The following CAMSAP3 variants were observed in gnomAD, a reference collection of about 807,000 sequenced individuals.
The protein encoded by CAMSAP3 is calmodulin regulated spectrin associated protein family member 3.
CAMSAP3 carries 34 observed loss-of-function variants against 112.5 expected under a neutral mutation model. The ratio of observed to expected loss-of-function variants is 0.30; its 90% confidence interval spans 0.23 to 0.40. CAMSAP3 has a LOEUF of 0.40. Ranked by LOEUF, CAMSAP3 falls within the 10% of genes least tolerant of loss-of-function variation. The pLI is 1.00. For missense variants in CAMSAP3, 1,602 were observed against 1,770.3 expected, an observed-to-expected ratio of 0.90 and a Z score of 1.71; for synonymous variants, 868 against 799.8, an observed-to-expected ratio of 1.09 and a Z score of -1.44.
intron 1 of CAMSAP3, 79 bp from the exon 2 acceptor site, chr19:7,605,147 G>GGTTGTGTGTGTGTGTGT: frequency 4.8e-6 from 3 of 623,266 alleles, no homozygotes; most frequent in Non-Finnish European, 7.7e-6. Flanking sequence ...CGGGCCATGT[G>GGTTGTGTGTGTGTGTGT]GTGTGTGTGT....
Position 7,611,121 on chromosome 19 carries a change from C to G in CAMSAP3, c.1076C>G (p.Pro359Arg). Residue 359 changes from proline (P) to arginine (R), a missense_variant, in exon 9 of 17, where the codon CCG (proline) becomes CGG (arginine). By Grantham distance (103) the Pro-to-Arg change is moderately radical (BLOSUM62 -2). Transcript: ENST00000160298. The surrounding 1 kb of genome is among the most constrained non-coding windows in gnomAD (Gnocchi z 6.9). ...TCTCCTGTCTTCACCTTCCGCCACC[C>G]GCTTCTGTCATCTGGTGGCCCCCAG... The part of the protein sequence containing the change: ...SSSPVFTFRH[P>R]LLSSGGPQSP... 1 of 1,613,768 alleles carries G rather than the reference C, an allele frequency of 6.2e-7. No homozygotes were observed. Among genetic ancestry groups the G allele is most frequent in the Non-Finnish European group, 8.5e-7 (1 of 1,179,966 alleles).
chr19:7,611,023 T>A lies in CAMSAP3; in HGVS notation c.1050-72T>A, dbSNP rs1017002625. 2.0e-5 allele frequency: 32 copies of A among 1,590,702 alleles called. No individual in the cohort carries two copies. Among genetic ancestry groups the A allele is most frequent in the Middle Eastern group, 1.7e-4 (1 of 6,008 alleles). ...GCACTGGGACGCAGCTGGGTGATGC[T>A]GTTGTCTCCCCCCGGGGAGAGGCGG... On this transcript the variant is annotated intron_variant, in intron 8 of 16. Coordinates refer to ENST00000160298, the MANE Select transcript of CAMSAP3 (RefSeq NM_020902.2). The surrounding 1 kb of genome is among the most constrained non-coding windows in gnomAD (Gnocchi z 6.9).
chr19:7,598,332 T>A (rs1182961531), intron 1 of CAMSAP3, among the ~76,000 whole-genome samples: 5 of 151,758 alleles, frequency 3.3e-5, no homozygotes, highest in Non-Finnish European at 7.4e-5. Context: ...AAGATGCAGG[T>A]CCCCGGGGTG....
chr19:7,606,700 C>T, intron 4 of CAMSAP3, 129 bp downstream of exon 4: 1 of 1,593,458 alleles, frequency 6.3e-7, no homozygotes. Context: ...TTCTTCCCCC[C>T]TCTCTCAATC....
At position 7,608,002 on chromosome 19, in the gene CAMSAP3, T is replaced by C. The variant is rs2030303598; in HGVS notation, c.622-124T>C. On this transcript the variant is annotated intron_variant, in intron 4 of 16. Transcript: ENST00000160298. ...GCTCCAGGCTGGCCCCCCAACTCTG[T>C]CTCTGGGACCCCCAGCTTCCCGCCC... is the stretch of plus-strand genomic sequence containing the variant. 2.3e-5 allele frequency: 28 copies of C among 1,235,630 alleles called. No homozygotes were observed. In the South Asian group the frequency reaches 3.6e-4, roughly 16 times the overall value. 76.5% of individuals were successfully genotyped at this position (1,235,630 alleles called of 1,614,324 possible).
Position 7,613,066 on chromosome 19 carries a change from A to G in CAMSAP3, c.2573A>G (p.Asp858Gly), listed in dbSNP as rs946742361. ...AGCCTGGCAGATCCCGCCGCCGAGGACGAGGGAGACGGGAGCCCCGCTGGT... is the reference window on the plus strand; with the variant it reads ...AGCCTGGCAGATCCCGCCGCCGAGGGCGAGGGAGACGGGAGCCCCGCTGGT... ...LGSLADPAAE[D>G]EGDGSPAGAE... Residue 858 changes from aspartate (D) to glycine (G), a missense_variant, in exon 11 of 17, where the codon GAC becomes GGC. Physicochemically the swap from Asp to Gly is moderately conservative, Grantham distance 94. This residue lies in a region of CAMSAP3 where 1,100 missense variants were observed against 1,135.7 expected (regional missense o/e 0.97). Coordinates refer to ENST00000160298, the MANE Select transcript of CAMSAP3 (RefSeq NM_020902.2). The G allele has an allele frequency of 4.5e-6, 7 of 1,547,672 alleles. No individual in the cohort carries two copies. The African/African-American group carries it at 5.5e-5, about 12-fold the overall frequency.
intron 11 of CAMSAP3, among the ~76,000 whole-genome samples, chr19:7,613,578 C>T (rs886842080): frequency 6.6e-6 from 1 of 151,452 alleles, no homozygotes; most frequent in African/African-American, 2.4e-5. Flanking sequence ...AGTCATGTCC[C>T]TCCCAAACAA....
rs1391491600 is a variant in CAMSAP3, at chr19:7,618,068, G to A, written c.*11G>A. 1.9e-6 allele frequency: 3 copies of A among 1,607,042 alleles called. No individual in the cohort carries two copies. The highest frequency in any genetic ancestry group is 2.2e-5 in the East Asian group (1 of 44,816). ...GGCACCCCCAAATAGCCCCACCCGG[G>A]CGGTCCACGGGCCGGGCCCTGTGTG... On this transcript the variant is annotated 3_prime_UTR_variant, in exon 17 of 17. Coordinates refer to ENST00000160298, the MANE Select transcript of CAMSAP3 (RefSeq NM_020902.2).
intron 1 of CAMSAP3, among the ~76,000 whole-genome samples, chr19:7,602,045 C>T (rs2029992171): frequency 6.6e-6 from 1 of 150,480 alleles, no homozygotes; most frequent in Non-Finnish European, 1.5e-5. Context: ...GCCTGGGTGA[C>T]AGAGCAAGAT....
intron 13 of CAMSAP3, 74 bp from the exon 14 acceptor site, chr19:7,616,449 C>G (rs541051852): frequency 2.8e-6 from 3 of 1,085,592 alleles, no homozygotes; most frequent in Admixed American, 1.7e-5. Flanking sequence ...GTGTTCCCCC[C>G]ACAGCCTGCT....
chr19:7,617,815 C>T lies in CAMSAP3; in HGVS notation c.3508C>T (p.Arg1170Trp). Residue 1170 changes from arginine to tryptophan, a missense_variant, in exon 17 of 17, where the codon CGG becomes TGG. This residue lies in a region of CAMSAP3 where 150 missense variants were observed against 207.6 expected (regional missense o/e 0.72). Coordinates refer to ENST00000160298, the MANE Select transcript of CAMSAP3 (RefSeq NM_020902.2). This position sits in a 1 kb window ranked among gnomAD's most constrained non-coding sequence, Gnocchi z 7.5. ...ILFRDSSCQF[R>W]ALYTLSGETE... ...CTTTCGCGACTCGAGCTGCCAGTTCCGGGCGCTCTACACGCTGTCGGGGGA... is the reference window on the plus strand; with the variant it reads ...CTTTCGCGACTCGAGCTGCCAGTTCTGGGCGCTCTACACGCTGTCGGGGGA... 3.1e-6 allele frequency: 5 copies of T among 1,613,468 alleles called. No individual in the cohort carries two copies. Among genetic ancestry groups the T allele is most frequent in the Non-Finnish European group, 4.2e-6 (5 of 1,179,852 alleles).
chr19:7,601,852 G>A (rs944744974), intron 1 of CAMSAP3, among the ~76,000 whole-genome samples: 14 of 151,994 alleles, frequency 9.2e-5, no homozygotes, highest in Non-Finnish European at 1.9e-4. Flanking sequence ...GTTGCTTGAG[G>A]TCAGGGTTTG....
intron 11 of CAMSAP3, among the ~76,000 whole-genome samples, 197 bp downstream of exon 11, chr19:7,613,360 G>A (rs1240549377): frequency 6.8e-6 from 1 of 147,988 alleles, no homozygotes; most frequent in Non-Finnish European, 1.5e-5. Context: ...CCATGGGTGG[G>A]AGAGGGGGGA....
At chr19:7,602,294 G>A (rs2030001850) in intron 1 of CAMSAP3, among the ~76,000 whole-genome samples, 3 of 152,164 alleles carry the variant, frequency 2.0e-5, no homozygotes, top group Admixed American at 2.0e-4. Flanking sequence ...GAATTTTCCA[G>A]CCCCAAGTAC....
In CAMSAP3 at chr19:7,612,915, C is replaced by T. The variant is rs2030582062; in HGVS notation, c.2422C>T (p.Pro808Ser). The part of the protein sequence containing the change: ...LTPPHDVDSL[P>S]HLRKFSPSQV... Reference sequence around the variant, plus strand: ...GCCACCCCACGACGTAGACAGCCTCCCCCACCTGCGCAAGTTCTCGCCGAG... The same window carrying T: ...GCCACCCCACGACGTAGACAGCCTCTCCCACCTGCGCAAGTTCTCGCCGAG... The change falls in exon 11 of 17, where the codon CCC becomes TCC. Residue 808 changes from proline to serine, a missense_variant. Coordinates refer to ENST00000160298, the MANE Select transcript of CAMSAP3 (RefSeq NM_020902.2). 1 of 1,609,864 alleles carries T rather than the reference C, an allele frequency of 6.2e-7. No individual in the cohort carries two copies. The highest frequency in any genetic ancestry group is 8.5e-7 in the Non-Finnish European group (1 of 1,179,222).
In CAMSAP3 at chr19:7,615,219, C is replaced by T. The variant is rs1223811921; in HGVS notation, c.2707C>T (p.Arg903Trp). 5.8e-6 allele frequency: 9 copies of T among 1,552,654 alleles called. No individual in the cohort carries two copies. Among genetic ancestry groups the T allele is most frequent in the Middle Eastern group, 1.8e-4 (1 of 5,660 alleles). ...GCCTGAGGACGAGATGGCCCAAAAG[C>T]GGGCCAGCCTGCTGGAGCGGCAGCA... is the stretch of plus-strand genomic sequence containing the variant. ...DKPEDEMAQK[R>W]ASLLERQQRR... is the part of the protein sequence containing the mutation. Residue 903 changes from arginine (R) to tryptophan (W), a missense_variant, in exon 12 of 17, where the codon CGG (arginine) becomes TGG (tryptophan). Around this residue, in one of 6 missense-constraint regions of CAMSAP3, gnomAD observed 1,100 missense variants for 1,135.7 expected, o/e 0.97. Transcript: ENST00000160298. This position sits in a 1 kb window ranked among gnomAD's most constrained non-coding sequence, Gnocchi z 6.5.
In CAMSAP3 at chr19:7,611,828, C is replaced by T; in HGVS notation, c.1335C>T (p.Thr445=). Residue 445 remains threonine (T), a synonymous_variant, in exon 11 of 17, where the codon ACC becomes ACT. Transcript: ENST00000160298. The surrounding 1 kb of genome is among the most constrained non-coding windows in gnomAD (Gnocchi z 6.9). ...LGPPRPAPAR[T]PTQPPPEPGD... The stretch of plus-strand genomic sequence containing the variant: ...CCCCGCGTCCCGCGCCGGCCAGGAC[C>T]CCCACCCAGCCACCCCCGGAGCCTG... 1.3e-6 allele frequency: 2 copies of T among 1,584,124 alleles called. No individual in the cohort carries two copies. Among genetic ancestry groups the T allele is most frequent in the Middle Eastern group, 1.7e-4 (1 of 5,918 alleles).
chr19:7,596,039 C>T lies in CAMSAP3; in HGVS notation c.37C>T (p.Arg13Trp), dbSNP rs752398114. Residue 13 changes from arginine to tryptophan, a missense_variant, in exon 1 of 17, where the codon CGG becomes TGG. Arg to Trp is a moderately radical substitution (Grantham distance 101). Coordinates refer to ENST00000160298, the MANE Select transcript of CAMSAP3 (RefSeq NM_020902.2). Reference sequence around the variant, plus strand: ...GGCGCCCCCCGGGCCCGGGCCGCTGCGGAGGACCTTTCTAGTGCCCGAGAT... The same window carrying T: ...GGCGCCCCCCGGGCCCGGGCCGCTGTGGAGGACCTTTCTAGTGCCCGAGAT... ...EAAPPGPGPL[R>W]RTFLVPEIKS... 2 of 1,243,398 alleles carry T rather than the reference C, an allele frequency of 1.6e-6. No individual in the cohort carries two copies. The highest frequency in any genetic ancestry group is 2.1e-6 in the Non-Finnish European group (2 of 966,296). The allele number at this position is 1,243,398 out of a possible 1,614,324, so 77.0% of individuals were successfully genotyped here.
At position 7,615,918 on chromosome 19, in the gene CAMSAP3, G is replaced by A. The variant is rs981212281; in HGVS notation, c.3112+199G>A. Among the ~76,000 whole-genome samples the A allele has an allele frequency of 2.6e-5, 4 of 152,192 alleles. No homozygotes were observed. Among genetic ancestry groups the A allele is most frequent in the African/African-American group, 4.8e-5 (2 of 41,546 alleles). ...AAGACTTCCATAGGGGGCCGGGCGC[G>A]GTGGCTCACGCCTGTAATCCCAGCA... On this transcript the variant is annotated intron_variant, in intron 13 of 16. Transcript: ENST00000160298. The surrounding 1 kb of genome is among the most constrained non-coding windows in gnomAD (Gnocchi z 6.5).
Sources: gnomAD v4.1 joint callset for allele counts (sites outside exome capture counted in the v4.1 genomes callset) on GRCh38, gnomAD v4.1.1 for gene constraint, gnomAD v4.1.1 regional missense constraint, Gnocchi (gnomAD v3.1) non-coding constraint, MANE v1.5 for transcripts, NCBI Gene and HGNC (gene_info 2026-07-23, HGNC 2026-07-21) for gene names.